GALNT13: variants seen among roughly 807,000 people sequenced by gnomAD.
GALNT13 encodes polypeptide N-acetylgalactosaminyltransferase 13, also known as UDP-GalNAc:polypeptide N-acetylgalactosaminyltransferase 13.
Under a neutral mutation model 64.2 loss-of-function variants are expected in GALNT13, and 28 were observed. That is an observed-to-expected ratio of 0.44 (90% CI 0.32 to 0.60). The LOEUF is 0.60. Among genes scored for constraint, GALNT13 ranks in the 20% least tolerant of loss-of-function variants. The pLI is 0.05. For missense variants in GALNT13, 577 were observed against 669.8 expected (o/e 0.86, Z 1.53); for synonymous variants, 214 against 224.6 (o/e 0.95, Z 0.42).
intron 3 of GALNT13, among the ~76,000 whole-genome samples, chr2:154,053,562 T>C (rs1699754663): frequency 1.3e-5 from 2 of 152,196 alleles, no homozygotes; most frequent in Non-Finnish European, 2.9e-5. Flanking sequence ...AAAAAAATTC[T>C]ATTTGCTTTT....
At chr2:153,188,595 T>A in the GALNT13 span, among the ~76,000 whole-genome samples, 1 of 152,122 alleles carries the variant, frequency 6.6e-6, no homozygotes, top group South Asian at 2.1e-4. Context: ...AGGAACTTTT[T>A]TTCTGGTATG....
chr2:154,269,459 A>T (rs1691201373), intron 8 of GALNT13, among the ~76,000 whole-genome samples: 1 of 151,868 alleles, frequency 6.6e-6, no homozygotes, highest in African/African-American at 2.4e-5. Flanking sequence ...AGTCATAGAA[A>T]CCAAACTATA....
chr2:154,342,582 A>G (rs1031307249), intron 9 of GALNT13, among the ~76,000 whole-genome samples: 2 of 152,042 alleles, frequency 1.3e-5, no homozygotes, highest in African/African-American at 4.8e-5. Context: ...TATCAAATTC[A>G]GATTTCAGTG....
chr2:153,332,216 A>G, the GALNT13 span, among the ~76,000 whole-genome samples: 1 of 152,102 alleles, frequency 6.6e-6, no homozygotes, highest in East Asian at 1.9e-4. Context: ...TTCTTCTGCT[A>G]GCTTTGGGGT....
At chr2:154,218,207 A>G (rs1273117657) in intron 4 of GALNT13, among the ~76,000 whole-genome samples, 2 of 152,146 alleles carry the variant, frequency 1.3e-5, no homozygotes, top group African/African-American at 4.8e-5. Context: ...GAGCATTAAC[A>G]TTCAATCAGT....
the GALNT13 span, among the ~76,000 whole-genome samples, chr2:153,684,099 C>T: frequency 2.0e-5 from 3 of 150,756 alleles, no homozygotes; most frequent in African/African-American, 7.3e-5. Context: ...TATCCCAGGC[C>T]ATGGGAATAG....
rs201083794 is a variant in GALNT13 at position 154,133,534 on chromosome 2, TTA to T, written c.143-6753_143-6752del. Among the ~76,000 whole-genome samples the T allele has an allele frequency of 9.7e-3, 739 of 76,408 alleles. 2 individuals carry two copies. The highest frequency in any genetic ancestry group is 0.015 in the African/African-American group (233 of 15,894). The allele number at this position is 76,408 out of a possible 152,430, so 50.1% of individuals were successfully genotyped here. On this transcript the variant is annotated intron_variant, in intron 3 of 12. Coordinates refer to ENST00000392825, the MANE Select transcript of GALNT13 (RefSeq NM_052917.4). ...TTTTTCAGTAACATAACAGACCATT[TTA>T]TATATATATATATATATATATATAT...
chr2:153,894,341 A>G (rs960918914), intron 1 of GALNT13, among the ~76,000 whole-genome samples: 1 of 152,080 alleles, frequency 6.6e-6, no homozygotes, highest in African/African-American at 2.4e-5. Context: ...ACAACATGGC[A>G]CCTAACCATG....
At chr2:153,657,608 C>T in the GALNT13 span, among the ~76,000 whole-genome samples, 1 of 152,158 alleles carries the variant, frequency 6.6e-6, no homozygotes, top group Non-Finnish European at 1.5e-5. Flanking sequence ...AAACTGAGCC[C>T]TCAATTACCA....
At chr2:154,414,473 G>T (rs1235413548) in intron 11 of GALNT13, among the ~76,000 whole-genome samples, 1 of 151,144 alleles carries the variant, frequency 6.6e-6, no homozygotes, top group African/African-American at 2.4e-5. Flanking sequence ...CACTTTCCAG[G>T]ATTATAATCG....
chr2:153,235,602 C>T, the GALNT13 span, among the ~76,000 whole-genome samples: 1 of 152,030 alleles, frequency 6.6e-6, no homozygotes, highest in African/African-American at 2.4e-5. Context: ...CATAGGTCAG[C>T]CCAAGGTAAC....
chr2:154,240,529 C>CT (rs1402431988), intron 4 of GALNT13, among the ~76,000 whole-genome samples: 1 of 152,154 alleles, frequency 6.6e-6, no homozygotes, highest in Admixed American at 6.5e-5. Flanking sequence ...CCTTCTCCCT[C>CT]TCACACGGCG....
At chr2:153,521,007 A>G in the GALNT13 span, among the ~76,000 whole-genome samples, 25 of 152,302 alleles carry the variant, frequency 1.6e-4, no homozygotes, top group Admixed American at 2.6e-4. Context: ...CTTTTGGTGC[A>G]TGACAGATTT....
In GALNT13 at chr2:153,893,535, A is replaced by G. The variant is rs1305704709; in HGVS notation, c.-176-7401A>G. Among the ~76,000 whole-genome samples the G allele has an allele frequency of 2.6e-5, 4 of 152,104 alleles. No individual in the cohort carries two copies. In the East Asian group the frequency reaches 7.7e-4, roughly 29 times the overall value. ...ATGTTAACATTTCACTGTATAGTGAATTGTTATACTGAATTTATATACATA... is the reference window on the plus strand; with the variant it reads ...ATGTTAACATTTCACTGTATAGTGAGTTGTTATACTGAATTTATATACATA... On this transcript the variant is annotated intron_variant, in intron 1 of 12. Transcript: ENST00000392825.
the GALNT13 span, among the ~76,000 whole-genome samples, chr2:153,367,448 A>G: frequency 2.0e-5 from 3 of 152,102 alleles, no homozygotes; most frequent in Admixed American, 6.6e-5. Flanking sequence ...ATTACCTTAT[A>G]CAAGAATGGG....
intron 4 of GALNT13, among the ~76,000 whole-genome samples, chr2:154,209,116 A>T (rs751063883): frequency 6.9e-5 from 9 of 130,976 alleles, no homozygotes; most frequent in East Asian, 2.0e-4. Context: ...TATTTTTCTT[A>T]AAAAAAAAGG....
chr2:154,315,714 C>A (rs1377396842), intron 9 of GALNT13, among the ~76,000 whole-genome samples: 6 of 152,130 alleles, frequency 3.9e-5, no homozygotes, highest in Non-Finnish European at 7.4e-5. Context: ...TTATATTTTA[C>A]AAATTGATTT....
chr2:153,113,678 T>C, the GALNT13 span, among the ~76,000 whole-genome samples: 1 of 152,122 alleles, frequency 6.6e-6, no homozygotes, highest in Non-Finnish European at 1.5e-5. Context: ...AAAAGATATG[T>C]AATTACATAC....
rs529882907 is a variant in GALNT13, at chr2:154,313,870, C to CG, written c.1156+12281_1156+12282insG. 1.9e-4 allele frequency among the ~76,000 whole-genome samples: 27 copies of CG among 145,364 alleles called. No homozygotes were observed. In the South Asian group the frequency reaches 6.0e-3, roughly 32 times the overall value. On this transcript the variant is annotated intron_variant, in intron 9 of 12. Transcript: ENST00000392825. ...AAAACATGGATACCTCTAGTCTAAT[C>CG]ATTTTTTTTTGTATATGCAACCAAT...
Sources: gnomAD v4.1 joint callset for allele counts (sites outside exome capture counted in the v4.1 genomes callset) on GRCh38, gnomAD v4.1.1 for gene constraint, MANE v1.5 for transcripts, NCBI Gene and HGNC (gene_info 2026-07-23, HGNC 2026-07-21) for gene names.